CDK5RAP1: variants seen among roughly 807,000 people sequenced by gnomAD.
CDK5RAP1 encodes the protein mitochondrial tRNA methylthiotransferase CDK5RAP1.
A neutral mutation model predicts 64.5 loss-of-function variants in CDK5RAP1; 62 were observed. The observed-to-expected ratio is 0.96, with a 90% CI of 0.78 to 1.19. The LOEUF is 1.19. CDK5RAP1 is among the 50% of genes most tolerant of loss of function. The pLI is 0.00. For missense variants in CDK5RAP1, 657 were observed against 735.0 expected (o/e 0.89, Z 1.23); for synonymous variants, 250 against 261.9 (o/e 0.95, Z 0.44).
intron 7 of CDK5RAP1, among the ~76,000 whole-genome samples, chr20:33,382,509 C>T (rs1336675586): frequency 2.0e-5 from 3 of 151,882 alleles, no homozygotes; most frequent in Non-Finnish European, 4.4e-5. Context: ...GGTGAAACCC[C>T]GTCTCTACTA....
chr20:33,364,872 CCT>C (rs1983607522), intron 12 of CDK5RAP1, among the ~76,000 whole-genome samples: 2 of 151,158 alleles, frequency 1.3e-5, no homozygotes, highest in African/African-American at 4.9e-5. Context: ...CCGTGACCAG[CCT>C]CTTTTTTTTT....
At position 33,374,206 on chromosome 20, in the gene CDK5RAP1, G is replaced by A. The variant is rs940158086; in HGVS notation, c.1114C>T (p.Gln372Ter). 6.2e-7 allele frequency: 1 copy of A among 1,607,746 alleles called. No homozygotes were observed. The highest frequency in any genetic ancestry group is 1.3e-5 in the African/African-American group (1 of 74,936). The change falls in exon 9 of 14, where the codon CAG becomes TAG. Residue 372 changes from glutamine (Q) to a stop codon, truncating the protein, a stop_gained. Coordinates refer to ENST00000346416, the MANE Select transcript of CDK5RAP1 (RefSeq NM_016408.4). LOFTEE classifies it high-confidence loss of function. ...HPKDFPDEVL[Q>*]LIHERDNICK... Reference sequence around the variant, plus strand: ...ATGTTATCTCTCTCATGAATCAGCTGCAGAACCTGATGAAACAGAACACAT... The same window carrying A: ...ATGTTATCTCTCTCATGAATCAGCTACAGAACCTGATGAAACAGAACACAT...
chr20:33,370,515 G>A lies in CDK5RAP1; in HGVS notation c.1376C>T (p.Ala459Val), dbSNP rs747413318. Reference protein sequence around the residue: ...EVQYNMGFLFAYSMRQKTRAY... With the variant: ...EVQYNMGFLFVYSMRQKTRAY... Reference sequence around the variant, plus strand: ...AGGGCTCACCTGTCTCATGCTGTAGGCAAAGAGGAAGCCCATGTTGTACTG... The same window carrying A: ...AGGGCTCACCTGTCTCATGCTGTAGACAAAGAGGAAGCCCATGTTGTACTG... The change falls in exon 11 of 14, where the codon GCC becomes GTC. Residue 459 changes from alanine (A) to valine (V), a missense_variant. Ala to Val is a moderately conservative substitution (Grantham distance 64). Transcript: ENST00000346416. The A allele has an allele frequency of 1.2e-6, 2 of 1,614,090 alleles. No individual in the cohort carries two copies. The highest frequency in any genetic ancestry group is 1.7e-5 in the Admixed American group (1 of 60,002).
chr20:33,361,172 C>G (rs892015964), intron 12 of CDK5RAP1, among the ~76,000 whole-genome samples: 11 of 152,138 alleles, frequency 7.2e-5, no homozygotes, highest in African/African-American at 2.4e-4. Flanking sequence ...AGTGAGCCCC[C>G]CAATCACCCC....
chr20:33,366,912 T>C lies in CDK5RAP1; in HGVS notation c.1489A>G (p.Thr497Ala), dbSNP rs370710088. The C allele has an allele frequency of 2.9e-5, 47 of 1,614,028 alleles. No individual in the cohort carries two copies. The highest frequency in any genetic ancestry group is 5.0e-5 in the Admixed American group (3 of 59,990). Residue 497 changes from threonine to alanine, a missense_variant, in exon 12 of 14, where the codon ACA becomes GCA. Coordinates refer to ENST00000346416, the MANE Select transcript of CDK5RAP1 (RefSeq NM_016408.4). ...CCCACAGAGGTCTGATTGGCTTTTG[T>C]TGCTTCTTCTCGGAAGATAGTGATG... The part of the protein sequence containing the change: ...ELITIFREEA[T>A]KANQTSVGCT...
At position 33,366,898 on chromosome 20, in the gene CDK5RAP1, C is replaced by T; in HGVS notation, c.1503G>A (p.Gln501=). The T allele has an allele frequency of 6.2e-7, 1 of 1,614,074 alleles. No homozygotes were observed. Among genetic ancestry groups the T allele is most frequent in the Admixed American group, 1.7e-5 (1 of 60,008 alleles). ...CCAACTGGGTACAGCCCACAGAGGT[C>T]TGATTGGCTTTTGTTGCTTCTTCTC... The part of the protein sequence containing the change: ...IFREEATKAN[Q]TSVGCTQLVL... The change falls in exon 12 of 14, where the codon CAG becomes CAA. Residue 501 remains glutamine (Q), a synonymous_variant. Transcript: ENST00000346416.
intron 12 of CDK5RAP1, among the ~76,000 whole-genome samples, chr20:33,361,844 G>A (rs756513639): frequency 2.7e-5 from 4 of 150,814 alleles, no homozygotes; most frequent in Admixed American, 6.7e-5. Flanking sequence ...TAGTCCCAGT[G>A]ACTCGGGAGA....
chr20:33,396,849 G>C lies in CDK5RAP1; in HGVS notation c.216C>G (p.Ala72=). The change falls in exon 2 of 14, where the codon GCC becomes GCG. Residue 72 remains alanine, a synonymous_variant. Transcript: ENST00000346416. Reference sequence around the variant, plus strand: ...AAGACAGCTTCTCCTGAGGAGCTGAGGCACTTTTTAAAAAATGTTGAAAAG... The same window carrying C: ...AAGACAGCTTCTCCTGAGGAGCTGACGCACTTTTTAAAAAATGTTGAAAAG... The part of the protein sequence containing the change: ...GPTFQHFLKS[A]SAPQEKLSSE... 6.2e-7 allele frequency: 1 copy of C among 1,614,094 alleles called. No individual in the cohort carries two copies. Among genetic ancestry groups the C allele is most frequent in the Non-Finnish European group, 8.5e-7 (1 of 1,179,940 alleles).
At chr20:33,391,353 C>T (rs1182186525) in intron 5 of CDK5RAP1, among the ~76,000 whole-genome samples, 7 of 151,076 alleles carry the variant, frequency 4.6e-5, no homozygotes, top group African/African-American at 1.7e-4. Flanking sequence ...TGTGTGGCTA[C>T]TGAGAAGTTG....
At chr20:33,370,855 A>G (rs1293373521) in intron 10 of CDK5RAP1, among the ~76,000 whole-genome samples, 8 of 152,230 alleles carry the variant, frequency 5.3e-5, no homozygotes, top group Non-Finnish European at 1.2e-4. Flanking sequence ...TAAGCACTAG[A>G]AAAGGTATTT....
chr20:33,400,807 T>C (rs1568739239), intron 1 of CDK5RAP1, among the ~76,000 whole-genome samples: 1 of 151,636 alleles, frequency 6.6e-6, no homozygotes. Flanking sequence ...AGAGCAAGAC[T>C]CCCGTCTCAA....
In CDK5RAP1 at chr20:33,377,963, A is replaced by G. The variant is rs960833513; in HGVS notation, c.1107+1498T>C. 4.6e-5 allele frequency among the ~76,000 whole-genome samples: 7 copies of G among 152,302 alleles called. No homozygotes were observed. In the South Asian group the frequency reaches 1.5e-3, roughly 32 times the overall value. ...CACTGCGCCCAGCCTGTGAGCCATC[A>G]CACCCGGCCAAAGAGGTTGTGTTGT... is the stretch of plus-strand genomic sequence containing the variant. On this transcript the variant is annotated intron_variant, in intron 8 of 13. Coordinates refer to ENST00000346416, the MANE Select transcript of CDK5RAP1 (RefSeq NM_016408.4).
At chr20:33,360,514 T>G (rs1369499963) in intron 12 of CDK5RAP1, 23 bp from the exon 13 acceptor site, 6 of 1,594,606 alleles carry the variant, frequency 3.8e-6, no homozygotes, top group African/African-American at 2.7e-5. Context: ...GAGAGAAGAG[T>G]TCGTGGATTT....
chr20:33,367,599 T>G (rs1192913720), intron 11 of CDK5RAP1, among the ~76,000 whole-genome samples: 2 of 152,128 alleles, frequency 1.3e-5, no homozygotes, highest in Non-Finnish European at 2.9e-5. Context: ...CAAAAGAAAT[T>G]GCTAAGTGGT....
At chr20:33,374,943 T>C (rs549115894) in intron 8 of CDK5RAP1, among the ~76,000 whole-genome samples, 17 of 151,810 alleles carry the variant, frequency 1.1e-4, no homozygotes, top group South Asian at 8.3e-4. Context: ...GGCAGGAGGA[T>C]TGCTTGAGGC....
intron 9 of CDK5RAP1, chr20:33,373,723 G>A: frequency 5.7e-6 from 1 of 174,858 alleles, no homozygotes; most frequent in South Asian, 1.8e-4. Context: ...CTCAGAGTGT[G>A]CCACACCATA....
intron 7 of CDK5RAP1, among the ~76,000 whole-genome samples, chr20:33,384,871 C>T (rs1987214698): frequency 1.3e-5 from 2 of 152,146 alleles, no homozygotes; most frequent in South Asian, 2.1e-4. Flanking sequence ...CACTGTACTC[C>T]AGCTTGGGTG....
Position 33,373,752 on chromosome 20 carries a change from A to C in CDK5RAP1, c.1205+363T>G, listed in dbSNP as rs141694428. The C allele has an allele frequency of 7.7e-3, 1,559 of 202,394 alleles. 17 individuals carry two copies. The highest frequency in any genetic ancestry group is 0.033 in the African/African-American group (1,419 of 43,390). The allele number at this position is 202,394 out of a possible 1,614,324, so 12.5% of individuals were successfully genotyped here. A position where few individuals can be genotyped will look rare whatever the true frequency, so the allele number is the denominator to read the frequency against. On this transcript the variant is annotated intron_variant, in intron 9 of 13. Transcript: ENST00000346416. ...CACCATAGGTGCTTAATTAAAAAAA[A>C]ACATACTAAACAGTGAAAATGGATG... is the stretch of plus-strand genomic sequence containing the variant.
intron 8 of CDK5RAP1, among the ~76,000 whole-genome samples, chr20:33,375,368 C>A: frequency 6.8e-6 from 1 of 147,602 alleles, no homozygotes; most frequent in Admixed American, 6.9e-5. Flanking sequence ...CACCACTGCG[C>A]TCTAGCCTGG....
Sources: gnomAD v4.1 joint callset for allele counts (sites outside exome capture counted in the v4.1 genomes callset) on GRCh38, gnomAD v4.1.1 for gene constraint, MANE v1.5 for transcripts, NCBI Gene and HGNC (gene_info 2026-07-23, HGNC 2026-07-21) for gene names.